The following NUSAP1 variants were observed in gnomAD, a reference collection of about 807,000 sequenced individuals.
NUSAP1 encodes nucleolar and spindle associated protein 1, also known as nucleolar and spindle-associated protein 1.
Under a neutral mutation model 52.8 loss-of-function variants are expected in NUSAP1, and 32 were observed. The ratio of observed to expected loss-of-function variants is 0.61; its 90% CI spans 0.46 to 0.81. NUSAP1 has a LOEUF of 0.81. Among genes scored for constraint, NUSAP1 ranks in the 40% least tolerant of loss-of-function variants. NUSAP1 has a pLI of 0.00. For missense variants in NUSAP1, 499 were observed against 522.3 expected (o/e 0.96, Z 0.43); for synonymous variants, 195 against 183.1 (o/e 1.06, Z -0.52).
intron 1 of NUSAP1, among the ~76,000 whole-genome samples, chr15:41,341,197 C>T (rs1468403354): frequency 1.3e-5 from 2 of 152,130 alleles, no homozygotes; most frequent in African/African-American, 4.8e-5. Flanking sequence ...TCCCAAGTAG[C>T]TGGGACTACA....
At chr15:41,337,029 C>G (rs1163854898) in intron 1 of NUSAP1, among the ~76,000 whole-genome samples, 1 of 94,460 alleles carries the variant, frequency 1.1e-5, no homozygotes, top group Non-Finnish European at 1.9e-5. Context: ...TTTTTTGAGA[C>G]AGGGTCTTGC....
rs2050160418 is a variant in NUSAP1 at position 41,380,321 on chromosome 15, A to G, written c.*135A>G. The G allele has an allele frequency of 1.3e-5, 8 of 599,546 alleles. No individual in the cohort carries two copies. The highest frequency in any genetic ancestry group is 3.0e-5 in the Admixed American group (1 of 32,940). 37.1% of individuals were successfully genotyped at this position (599,546 alleles called of 1,614,324 possible). A position where few individuals can be genotyped will look rare whatever the true frequency, so the allele number is the denominator to read the frequency against. ...ACTGTTCATAGTCTGTGTAGTGTCCATGGGTTCTTCATGTGCTATGATCTC... is the reference window on the plus strand; with the variant it reads ...ACTGTTCATAGTCTGTGTAGTGTCCGTGGGTTCTTCATGTGCTATGATCTC... On this transcript the variant is annotated 3_prime_UTR_variant, in exon 11 of 11. Coordinates refer to ENST00000559596, the MANE Select transcript of NUSAP1 (RefSeq NM_016359.5).
chr15:41,333,106 G>C, intron 1 of NUSAP1, 56 bp downstream of exon 1: 1 of 1,365,754 alleles, frequency 7.3e-7, no homozygotes. Flanking sequence ...AGCGGCCTCG[G>C]GGAGATGCGG....
intron 7 of NUSAP1, among the ~76,000 whole-genome samples, chr15:41,366,039 ATATAT>A (rs1393146345): frequency 2.0e-5 from 3 of 151,592 alleles, no homozygotes; most frequent in Admixed American, 6.6e-5. Context: ...GTTTCAATAC[ATATAT>A]TGTATTGTAG....
intron 3 of NUSAP1, 23 bp from the exon 4 acceptor site, chr15:41,350,965 T>C (rs964890325): frequency 1.1e-5 from 17 of 1,583,084 alleles, no homozygotes; most frequent in Middle Eastern, 3.4e-4. Flanking sequence ...TCGAAATCTT[T>C]TATTTCCTTT....
chr15:41,360,655 C>G (rs2049136517), intron 6 of NUSAP1, among the ~76,000 whole-genome samples: 1 of 151,798 alleles, frequency 6.6e-6, no homozygotes, highest in Non-Finnish European at 1.5e-5. Context: ...TGGGGTTTCA[C>G]CATGTTGGCC....
chr15:41,377,902 G>C (rs1242348811), intron 10 of NUSAP1, among the ~76,000 whole-genome samples: 1 of 150,954 alleles, frequency 6.6e-6, no homozygotes, highest in Non-Finnish European at 1.5e-5. Context: ...TCGGGAGACT[G>C]AGGCAGGAAC....
At position 41,377,427 on chromosome 15, in the gene NUSAP1, C is replaced by T. The variant is rs557348371; in HGVS notation, c.1232+123C>T. ...TTAGAAGTGGTATTATGGCCGTGTG[C>T]GGTGGCTCACGCCTGTAATCCCAGC... On this transcript the variant is annotated intron_variant, in intron 10 of 10. Coordinates refer to ENST00000559596, the MANE Select transcript of NUSAP1 (RefSeq NM_016359.5). 2.1e-4 allele frequency: 109 copies of T among 517,676 alleles called. No individual in the cohort carries two copies. The East Asian group carries it at 3.0e-3, about 14-fold the overall frequency. 32.1% of individuals were successfully genotyped at this position (517,676 alleles called of 1,614,324 possible). A position where few individuals can be genotyped will look rare whatever the true frequency, so the allele number is the denominator to read the frequency against.
chr15:41,365,756 T>G, intron 7 of NUSAP1, 167 bp downstream of exon 7: 1 of 388,246 alleles, frequency 2.6e-6, no homozygotes. Context: ...GGTCTCGCTC[T>G]GTCGCCCAGG....
chr15:41,333,506 T>C (rs1216377783), intron 1 of NUSAP1, among the ~76,000 whole-genome samples: 1 of 151,870 alleles, frequency 6.6e-6, no homozygotes, highest in Admixed American at 6.6e-5. Context: ...TTGATGGACC[T>C]GTCAGAAAAA....
chr15:41,365,457 TC>T lies in NUSAP1; in HGVS notation c.717del (p.Ser240LeufsTer27). The T allele has an allele frequency of 6.2e-7, 1 of 1,613,066 alleles. No homozygotes were observed. Among genetic ancestry groups the T allele is most frequent in the South Asian group, 1.1e-5 (1 of 90,870 alleles). Reference sequence around the variant, plus strand: ...ACTCCAGTACCTCCAAGAGGAAGACTCTCTGTGGCTTCTACTCCCATCAGCC... The same window carrying T: ...ACTCCAGTACCTCCAAGAGGAAGACTTCTGTGGCTTCTACTCCCATCAGCC... ...VRTPVPPRGR[L>X]SVASTPISQR... On this transcript the variant is annotated frameshift_variant, in exon 7 of 11. Transcript: ENST00000559596. LOFTEE classifies it high-confidence loss of function.
At chr15:41,348,236 G>A (rs758223071) in intron 2 of NUSAP1, among the ~76,000 whole-genome samples, 5 of 152,108 alleles carry the variant, frequency 3.3e-5, no homozygotes, top group African/African-American at 7.2e-5. Context: ...TTGCCACCAC[G>A]CCTGGCTAAT....
intron 2 of NUSAP1, among the ~76,000 whole-genome samples, chr15:41,345,059 G>A (rs1313166439): frequency 6.6e-6 from 1 of 151,038 alleles, no homozygotes; most frequent in Non-Finnish European, 1.5e-5. Context: ...GAGTGCAGTG[G>A]TACAATCAGG....
chr15:41,380,169 A>G lies in NUSAP1; in HGVS notation c.1309A>G (p.Ile437Val), dbSNP rs2050153431. 7 of 1,577,008 alleles carry G rather than the reference A, an allele frequency of 4.4e-6. No homozygotes were observed. Among genetic ancestry groups the G allele is most frequent in the Non-Finnish European group, 6.0e-6 (7 of 1,161,148 alleles). Residue 437 changes from isoleucine to valine, a missense_variant, in exon 11 of 11, where the codon ATT (isoleucine) becomes GTT (valine). Coordinates refer to ENST00000559596, the MANE Select transcript of NUSAP1 (RefSeq NM_016359.5). ...AKVLGMRRGL[I>V]LAED ...GGTTTTGGGAATGCGAAGGGGCCTC[A>G]TTTTGGCTGAAGATTAATAATTTTT...
At chr15:41,378,856 C>G (rs768305407) in intron 10 of NUSAP1, among the ~76,000 whole-genome samples, 6 of 145,506 alleles carry the variant, frequency 4.1e-5, no homozygotes, top group Non-Finnish European at 8.9e-5. Context: ...CCAGGATCTA[C>G]TGAGTTAGCC....
At chr15:41,377,675 C>T (rs748846268) in intron 10 of NUSAP1, among the ~76,000 whole-genome samples, 4 of 126,526 alleles carry the variant, frequency 3.2e-5, no homozygotes, top group Non-Finnish European at 6.5e-5. Flanking sequence ...CTCTAGCCTG[C>T]GTGACAGAGC....
chr15:41,344,848 G>A (rs544821420), intron 2 of NUSAP1, among the ~76,000 whole-genome samples: 3 of 152,224 alleles, frequency 2.0e-5, no homozygotes, highest in South Asian at 2.1e-4. Context: ...GGATGAGGCA[G>A]GAGAATTATT....
chr15:41,375,417 C>G (rs548627087), intron 8 of NUSAP1, among the ~76,000 whole-genome samples: 151 of 147,768 alleles, frequency 1.0e-3, no homozygotes, highest in African/African-American at 3.5e-3. Context: ...CTCAGGTGAT[C>G]CACCCGACTC....
intron 1 of NUSAP1, among the ~76,000 whole-genome samples, chr15:41,334,258 ACAGGCGCGTGTCACCACGCCTG>A: frequency 6.6e-6 from 1 of 152,220 alleles, no homozygotes; most frequent in African/African-American, 2.4e-5. Flanking sequence ...AGCTGGGATT[ACAGGCGCGTGTCACCACGCCTG>A]GCTAATTTTT....
Sources: gnomAD v4.1 joint callset for allele counts (sites outside exome capture counted in the v4.1 genomes callset) on GRCh38, gnomAD v4.1.1 for gene constraint, MANE v1.5 for transcripts, NCBI Gene and HGNC (gene_info 2026-07-23, HGNC 2026-07-21) for gene names.